The following RASA3 variants were observed in gnomAD, a reference collection of about 807,000 sequenced individuals.
The protein encoded by RASA3 is ras GTPase-activating protein 3.
Under a neutral mutation model 110.0 loss-of-function variants are expected in RASA3, and 73 were observed. The ratio of observed to expected loss-of-function variants is 0.66; its 90% CI spans 0.55 to 0.81. The LOEUF (loss-of-function observed/expected upper bound fraction) is 0.81, where lower values mean the gene tolerates loss of function less well. Ranked by LOEUF, RASA3 falls within the 30% of genes least tolerant of loss-of-function variation. The probability of loss-of-function intolerance (pLI) is 0.00; values close to 1 mark genes in which losing one functional copy is unlikely to be tolerated. For missense variants in RASA3, 976 were observed against 1,113.2 expected (o/e 0.88, Z 1.75); for synonymous variants, 500 against 451.4 (o/e 1.11, Z -1.37).
chr13:114,107,022 C>T (rs745634641), intron 1 of RASA3, among the ~76,000 whole-genome samples: 11 of 152,252 alleles, frequency 7.2e-5, no homozygotes, highest in African/African-American at 4.8e-5. Context: ...CTGGCAAGGA[C>T]GGCTTGGTGT....
chr13:114,003,663 C>T (rs1189887172), intron 18 of RASA3, among the ~76,000 whole-genome samples: 1 of 152,122 alleles, frequency 6.6e-6, no homozygotes, highest in Non-Finnish European at 1.5e-5. Flanking sequence ...TATTCTGTGT[C>T]CTTGTACCTT....
chr13:114,078,073 C>T (rs1283092432), intron 1 of RASA3: 7 of 889,570 alleles, frequency 7.9e-6, no homozygotes, highest in Non-Finnish European at 8.1e-6. Context: ...GACGCACCAA[C>T]ATCCAATGAG....
intron 1 of RASA3, among the ~76,000 whole-genome samples, chr13:114,100,478 T>C (rs543827476): frequency 1.3e-5 from 2 of 152,340 alleles, no homozygotes; most frequent in African/African-American, 2.4e-5. Flanking sequence ...GCGGAGGACG[T>C]GATGCTCAGA....
intron 1 of RASA3, among the ~76,000 whole-genome samples, chr13:114,078,712 C>A (rs762358093): frequency 3.9e-5 from 6 of 152,232 alleles, no homozygotes; most frequent in Non-Finnish European, 7.3e-5. Context: ...GGCCCTGATC[C>A]AAAGCGTCAT....
intron 2 of RASA3, among the ~76,000 whole-genome samples, 197 bp downstream of exon 2, chr13:114,073,523 A>ATGGGACGGTGACGTACACGCT (rs2079613641): frequency 6.7e-6 from 1 of 148,962 alleles, no homozygotes; most frequent in African/African-American, 2.5e-5. Flanking sequence ...ACGCAGGAAA[A>ATGGGACGGTGACGTACACGCT]CGGGACGGTG....
intron 4 of RASA3, among the ~76,000 whole-genome samples, chr13:114,031,303 C>T (rs947796012): frequency 5.7e-4 from 86 of 151,252 alleles, no homozygotes; most frequent in African/African-American, 2.0e-3. Flanking sequence ...CGGTGTCTGC[C>T]TGTCTGTATG....
intron 19 of RASA3, among the ~76,000 whole-genome samples, chr13:114,000,165 T>TG (rs1218865314): frequency 3.6e-4 from 26 of 72,776 alleles, no homozygotes; most frequent in Admixed American, 9.8e-4. Context: ...GTGTCTCTGC[T>TG]GGGGGTCTCT....
intron 2 of RASA3, among the ~76,000 whole-genome samples, chr13:114,054,312 A>T (rs1230422885): frequency 6.6e-6 from 1 of 152,226 alleles, no homozygotes; most frequent in Non-Finnish European, 1.5e-5. Context: ...ATCACCAAAG[A>T]CAAATGGCCA....
intron 1 of RASA3, among the ~76,000 whole-genome samples, chr13:114,079,521 CG>C (rs1342307104): frequency 6.6e-6 from 1 of 152,150 alleles, no homozygotes; most frequent in Non-Finnish European, 1.5e-5. Context: ...AAGTATTTAC[CG>C]GAACAATAGT....
At chr13:114,131,624 C>A (rs1252105210) in intron 1 of RASA3, among the ~76,000 whole-genome samples, 2 of 152,250 alleles carry the variant, frequency 1.3e-5, no homozygotes, top group Non-Finnish European at 2.9e-5. Flanking sequence ...TCGCCCGCCA[C>A]TTCTCAGTGG....
intron 21 of RASA3, 56 bp downstream of exon 21, chr13:113,996,475 C>A: frequency 6.5e-7 from 1 of 1,533,666 alleles, no homozygotes; most frequent in Non-Finnish European, 8.9e-7. Flanking sequence ...CCTACTCAGC[C>A]CCTTGGCCAC....
intron 23 of RASA3, among the ~76,000 whole-genome samples, chr13:113,980,067 TCCC>T (rs1422252425): frequency 2.4e-5 from 3 of 124,928 alleles, no homozygotes; most frequent in Non-Finnish European, 5.0e-5. Context: ...GTGCACCTCC[TCCC>T]ATGTGTGTGC....
At chr13:113,989,541 C>A (rs2053057458) in intron 22 of RASA3, among the ~76,000 whole-genome samples, 1 of 151,032 alleles carries the variant, frequency 6.6e-6, no homozygotes. Flanking sequence ...CCATCACTCA[C>A]CCATCCTTCC....
In RASA3 at chr13:114,014,396, G is replaced by C. The variant is rs894055912; in HGVS notation, c.1405+813C>G. 9.8e-5 allele frequency among the ~76,000 whole-genome samples: 15 copies of C among 152,332 alleles called. No homozygotes were observed. Among genetic ancestry groups the C allele is most frequent in the African/African-American group, 1.7e-4 (7 of 41,578 alleles). On this transcript the variant is annotated intron_variant, in intron 14 of 23. Coordinates refer to ENST00000334062, the MANE Select transcript of RASA3 (RefSeq NM_007368.4). The surrounding 1 kb of genome is among the most constrained non-coding windows in gnomAD (Gnocchi z 4.5). ...TGACTGTCTGATGTCCTGAGAATCAGGGGTGGGGACAGCGTTTGTCTCCTG... is the reference window on the plus strand; with the variant it reads ...TGACTGTCTGATGTCCTGAGAATCACGGGTGGGGACAGCGTTTGTCTCCTG...
chr13:114,092,742 C>T (rs1244538475), intron 1 of RASA3, among the ~76,000 whole-genome samples: 3 of 152,098 alleles, frequency 2.0e-5, no homozygotes, highest in Non-Finnish European at 4.4e-5. Context: ...ATGACCTTCC[C>T]GTTGCTGAAA....
intron 15 of RASA3, among the ~76,000 whole-genome samples, chr13:114,012,485 C>T (rs1255429588): frequency 3.4e-5 from 5 of 147,770 alleles, no homozygotes; most frequent in Admixed American, 6.7e-5. Context: ...CCATTCCAAA[C>T]GCACTCCCCA....
chr13:114,077,608 G>A (rs866252264), intron 1 of RASA3, among the ~76,000 whole-genome samples: 7 of 115,622 alleles, frequency 6.1e-5, no homozygotes, highest in Admixed American at 4.7e-4. Context: ...CTCCCTGCCC[G>A]ACAATGCCCA....
intron 15 of RASA3, among the ~76,000 whole-genome samples, chr13:114,012,057 C>T (rs937702148): frequency 1.3e-5 from 2 of 152,056 alleles, no homozygotes; most frequent in Admixed American, 6.6e-5. Context: ...CCCCAGCAAC[C>T]ACATTGGGGC....
intron 21 of RASA3, among the ~76,000 whole-genome samples, chr13:113,993,229 G>A (rs908256895): frequency 6.6e-5 from 10 of 152,214 alleles, no homozygotes; most frequent in East Asian, 1.9e-4. Flanking sequence ...AGGCTGGAGC[G>A]CGGTGGCACG....
Sources: allele counts gnomAD v4.1 joint callset (sites outside exome capture counted in the v4.1 genomes callset), GRCh38; gene constraint gnomAD v4.1.1; non-coding constraint Gnocchi (gnomAD v3.1); transcripts MANE v1.5; gene names NCBI Gene and HGNC (gene_info 2026-07-23, HGNC 2026-07-21).